Variants in ANK3 observed in about 807,000 individuals in gnomAD.
The protein encoded by ANK3 is ankyrin-3.
A neutral mutation model predicts 370.9 loss-of-function variants in ANK3; 57 were observed. The ratio of observed to expected loss-of-function variants is 0.15; its 90% CI spans 0.12 to 0.19. The LOEUF (loss-of-function observed/expected upper bound fraction) is 0.19. Among genes scored for constraint, ANK3 ranks in the 10% least tolerant of loss-of-function variants. The probability of loss-of-function intolerance (pLI) is 1.00; values close to 1 mark genes in which losing one functional copy is unlikely to be tolerated. For synonymous variants in ANK3, 1,929 were observed against 1,946.3 expected, an observed-to-expected ratio of 0.99 and a Z score of 0.23; for missense variants, 4,439 against 5,302.1, an observed-to-expected ratio of 0.84 and a Z score of 5.06.
At chr10:60,081,813 C>G in intron 35 of ANK3, 1 of 98,074 alleles carries the variant, frequency 1.0e-5, no homozygotes. Context: ...CCTGGTCCTA[C>G]TCTTTTCCCC....
intron 1 of ANK3, among the ~76,000 whole-genome samples, chr10:60,710,707 G>C (rs924309241): frequency 2.0e-5 from 3 of 152,108 alleles, no homozygotes; most frequent in Non-Finnish European, 4.4e-5. Flanking sequence ...CAAAGAATTA[G>C]CTCATGCAAT....
chr10:60,424,237 T>C (rs1014812219), intron 2 of ANK3, among the ~76,000 whole-genome samples: 2 of 152,048 alleles, frequency 1.3e-5, no homozygotes, highest in African/African-American at 2.4e-5. Context: ...TTAATAGTGT[T>C]CCCTTTCATT....
chr10:60,485,102 T>C (rs1465872758), intron 2 of ANK3, among the ~76,000 whole-genome samples: 1 of 152,158 alleles, frequency 6.6e-6, no homozygotes, highest in African/African-American at 2.4e-5. Context: ...ACCCAGGTAA[T>C]AGCACCAGAA....
rs186335320 is a variant in ANK3, at chr10:60,294,471, G to A, written c.115-14832C>T. On this transcript the variant is annotated intron_variant, in intron 1 of 43. Transcript: ENST00000280772. ...AGCTGGAGCCTTGCTAGAATTGTTG[G>A]TAAATGAAACTATGTGCCTTTTTTG... is the stretch of plus-strand genomic sequence containing the variant. Among the ~76,000 whole-genome samples, 539 of 152,236 alleles carry A rather than the reference G, an allele frequency of 3.5e-3. 12 individuals carry two copies. Among genetic ancestry groups the A allele is most frequent in the Non-Finnish European group, 1.0e-3 (71 of 68,012 alleles).
Position 60,028,337 on chromosome 10 carries a change from CAT to C in ANK3, c.*1507_*1508del, listed in dbSNP as rs2072548599. On this transcript the variant is annotated 3_prime_UTR_variant, in exon 44 of 44. Coordinates refer to ENST00000280772, the MANE Select transcript of ANK3 (RefSeq NM_020987.5). ...CCAATGGGGTGGATTGGCCAGGACT[CAT>C]ATGACAAGGGATTAGACAACTACCT... The C allele has an allele frequency of 6.6e-6, 1 of 152,652 alleles. No homozygotes were observed. The highest frequency in any genetic ancestry group is 2.4e-5 in the African/African-American group (1 of 41,452). The allele number at this position is 152,652 out of a possible 1,614,324, so 9.5% of individuals were successfully genotyped here. A position where few individuals can be genotyped will look rare whatever the true frequency, so the allele number is the denominator to read the frequency against.
chr10:60,532,117 G>A (rs547856230), intron 2 of ANK3, among the ~76,000 whole-genome samples: 1 of 152,244 alleles, frequency 6.6e-6, no homozygotes, highest in East Asian at 1.9e-4. Flanking sequence ...CCAGAGCTTA[G>A]GAACCTCTTT....
upstream of ANK3, among the ~76,000 whole-genome samples, chr10:60,391,619 C>T (rs535103148): frequency 3.3e-5 from 5 of 152,330 alleles, no homozygotes; most frequent in South Asian, 1.0e-3. Context: ...CCACTGGCTC[C>T]TGGATCATCT....
At chr10:60,151,562 G>A (rs2095116472) in intron 23 of ANK3, among the ~76,000 whole-genome samples, 1 of 151,400 alleles carries the variant, frequency 6.6e-6, no homozygotes, top group South Asian at 2.1e-4. Context: ...AGATGGATGG[G>A]CAAGGACAGA....
intron 5 of ANK3, among the ~76,000 whole-genome samples, chr10:60,265,898 A>G (rs1465238991): frequency 1.3e-5 from 2 of 152,150 alleles, no homozygotes; most frequent in African/African-American, 4.8e-5. Flanking sequence ...TGTACTGATT[A>G]TGCACGTACA....
At chr10:60,497,160 C>G (rs1356915351) in intron 2 of ANK3, among the ~76,000 whole-genome samples, 1 of 151,906 alleles carries the variant, frequency 6.6e-6, no homozygotes, top group Non-Finnish European at 1.5e-5. Flanking sequence ...AAAAATCAAC[C>G]AGGTGTGGTG....
Position 60,328,518 on chromosome 10 carries a change from C to T in ANK3, c.115-48879G>A, listed in dbSNP as rs182029720. Among the ~76,000 whole-genome samples, 350 of 152,234 alleles carry T rather than the reference C, an allele frequency of 2.3e-3. 2 individuals carry two copies. Among genetic ancestry groups the T allele is most frequent in the African/African-American group, 7.7e-3 (321 of 41,542 alleles). On this transcript the variant is annotated intron_variant, in intron 1 of 43. Transcript: ENST00000280772. ...AAATCAATGTTTATGTACCTCTACA[C>T]AAATAAACTAGAAAATCTAGAAGAA... is the stretch of plus-strand genomic sequence containing the variant.
At chr10:60,258,400 T>C (rs1256838148) in intron 7 of ANK3, among the ~76,000 whole-genome samples, 4 of 152,188 alleles carry the variant, frequency 2.6e-5, no homozygotes, top group Non-Finnish European at 2.9e-5. Flanking sequence ...AAAATTACAA[T>C]GCAAACATCA....
At chr10:60,288,109 C>G (rs2132738686) in intron 1 of ANK3, among the ~76,000 whole-genome samples, 1 of 152,248 alleles carries the variant, frequency 6.6e-6, no homozygotes, top group African/African-American at 2.4e-5. Context: ...CTATAATTTC[C>G]TGGCACTGTG....
Position 60,388,490 on chromosome 10 carries a change from C to A in ANK3, c.114+935G>T, listed in dbSNP as rs183741754. Among the ~76,000 whole-genome samples the A allele has an allele frequency of 9.9e-4, 151 of 152,290 alleles. 1 individual carries two copies. Among genetic ancestry groups the A allele is most frequent in the South Asian group, 3.5e-3 (17 of 4,818 alleles). On this transcript the variant is annotated intron_variant, in intron 1 of 43. Transcript: ENST00000280772. ...AAGACACATAAAAATGCTTTATGAC[C>A]TGCCTTTCCTATTCAGATCACAGAG...
intron 25 of ANK3, among the ~76,000 whole-genome samples, chr10:60,127,800 C>G (rs189591759): frequency 6.7e-6 from 1 of 150,156 alleles, no homozygotes; most frequent in Non-Finnish European, 1.5e-5. Flanking sequence ...CTGGTTCAAG[C>G]GATTTTCCTG....
chr10:60,249,447 T>A (rs2097610455), intron 7 of ANK3, among the ~76,000 whole-genome samples: 1 of 152,210 alleles, frequency 6.6e-6, no homozygotes, highest in South Asian at 2.1e-4. Flanking sequence ...AACCTGGAAC[T>A]AAATTAATTT....
intron 1 of ANK3, among the ~76,000 whole-genome samples, chr10:60,729,698 A>G (rs564218823): frequency 6.6e-6 from 1 of 152,332 alleles, no homozygotes; most frequent in Non-Finnish European, 1.5e-5. Flanking sequence ...TCAGGTTATT[A>G]ATATACATCA....
intron 8 of ANK3, among the ~76,000 whole-genome samples, chr10:60,223,325 C>T (rs1042106429): frequency 9.2e-5 from 14 of 152,330 alleles, no homozygotes; most frequent in African/African-American, 3.4e-4. Context: ...TAAATTCCCA[C>T]CTTTCCTTGC....
chr10:60,076,467 A>G lies in ANK3; in HGVS notation c.4433-19T>C. The G allele has an allele frequency of 1.3e-6, 2 of 1,542,096 alleles. No homozygotes were observed. The highest frequency in any genetic ancestry group is 1.7e-6 in the Non-Finnish European group (2 of 1,145,830). Reference sequence around the variant, plus strand: ...CGTTCAACTGTTTCTTAAATTTTAAAATGAAATCAAACACAAAAATCAACA... The same window carrying G: ...CGTTCAACTGTTTCTTAAATTTTAAGATGAAATCAAACACAAAAATCAACA... On this transcript the variant is annotated intron_variant, in intron 36 of 43. Coordinates refer to ENST00000280772, the MANE Select transcript of ANK3 (RefSeq NM_020987.5).
Sources: gnomAD v4.1 joint callset for allele counts (sites outside exome capture counted in the v4.1 genomes callset) on GRCh38, gnomAD v4.1.1 for gene constraint, MANE v1.5 for transcripts, NCBI Gene and HGNC (gene_info 2026-07-23, HGNC 2026-07-21) for gene names.